The following BCAS3 variants were observed in gnomAD, a reference collection of about 807,000 sequenced individuals.
BCAS3 encodes BCAS4/BCAS3 fusion.
In BCAS3, 53 loss-of-function variants were observed where a neutral mutation model predicts 116.1. The observed-to-expected ratio is 0.46, with a 90% CI of 0.37 to 0.57. The LOEUF (loss-of-function observed/expected upper bound fraction) is 0.57. Among genes scored for constraint, BCAS3 ranks in the 20% least tolerant of loss-of-function variants. The pLI is 0.00. For synonymous variants in BCAS3, 391 were observed against 408.2 expected, an observed-to-expected ratio of 0.96 and a Z score of 0.51; for missense variants, 917 against 1,165.4, an observed-to-expected ratio of 0.79 and a Z score of 3.10.
At chr17:61,058,895 A>G (rs1376584020) in intron 19 of BCAS3, among the ~76,000 whole-genome samples, 1 of 151,978 alleles carries the variant, frequency 6.6e-6, no homozygotes, top group Admixed American at 6.6e-5. Flanking sequence ...AACTTAAAAT[A>G]ATGAACTTAG....
At chr17:60,761,319 C>T (rs775422513) in intron 6 of BCAS3, among the ~76,000 whole-genome samples, 5 of 152,064 alleles carry the variant, frequency 3.3e-5, no homozygotes, top group Non-Finnish European at 5.9e-5. Flanking sequence ...CCCATTAACT[C>T]GTCATTGACA....
At chr17:61,383,140 G>A (rs1293824190) in intron 23 of BCAS3, 1 of 152,518 alleles carries the variant, frequency 6.6e-6, no homozygotes, top group Non-Finnish European at 1.5e-5. Context: ...GGAGGGGGCG[G>A]GGAGAGGGGC....
rs1346762310 is a variant in BCAS3 at position 61,324,810 on chromosome 17, C to A, written c.2426-43517C>A. Among the ~76,000 whole-genome samples the A allele has an allele frequency of 6.7e-6, 1 of 149,724 alleles. No homozygotes were observed. The highest frequency in any genetic ancestry group is 2.5e-5 in the African/African-American group (1 of 40,390). The stretch of plus-strand genomic sequence containing the variant: ...GACCAGCCTGGGCAACCTAGTGAGA[C>A]CTCATCTCTATGAAAAAAAAAAAAA... On this transcript the variant is annotated intron_variant, in intron 22 of 23. Coordinates refer to ENST00000407086, the MANE Select transcript of BCAS3 (RefSeq NM_017679.5). The surrounding 1 kb of genome is among the most constrained non-coding windows in gnomAD (Gnocchi z 4.6).
rs1167139743 is a variant in BCAS3, at chr17:61,219,355, C to T, written c.2425+134791C>T. ...TTCCTAGGGAGTTTTGGGAGTCATGCAGTGATCAGGTTCAGGACTTTTGGG... is the reference window on the plus strand; with the variant it reads ...TTCCTAGGGAGTTTTGGGAGTCATGTAGTGATCAGGTTCAGGACTTTTGGG... On this transcript the variant is annotated intron_variant, in intron 22 of 23. Transcript: ENST00000407086. This position sits in a 1 kb window ranked among gnomAD's most constrained non-coding sequence, Gnocchi z 5.2. 6.6e-6 allele frequency among the ~76,000 whole-genome samples: 1 copy of T among 152,110 alleles called. No homozygotes were observed. Among genetic ancestry groups the T allele is most frequent in the Non-Finnish European group, 1.5e-5 (1 of 68,024 alleles).
intron 7 of BCAS3, chr17:60,810,747 C>A: frequency 1.5e-6 from 1 of 660,540 alleles, no homozygotes; most frequent in South Asian, 1.4e-5. Flanking sequence ...ACACCAATGT[C>A]ACTCAGCTTC....
At chr17:61,209,525 G>T (rs1030971422) in intron 22 of BCAS3, among the ~76,000 whole-genome samples, 4 of 152,166 alleles carry the variant, frequency 2.6e-5, no homozygotes, top group Admixed American at 2.6e-4. Context: ...CAGTGCAGTG[G>T]TTTCTATTTA....
chr17:61,392,170 G>A lies in BCAS3; in HGVS notation c.*45G>A. Reference sequence around the variant, plus strand: ...GACTGGCCAGCCCCCTCCCCTGCTGGAGGAGGGGAGAAGCCCCGCTCTGGT... The same window carrying A: ...GACTGGCCAGCCCCCTCCCCTGCTGAAGGAGGGGAGAAGCCCCGCTCTGGT... On this transcript the variant is annotated 3_prime_UTR_variant, in exon 24 of 24. Coordinates refer to ENST00000407086, the MANE Select transcript of BCAS3 (RefSeq NM_017679.5). This position sits in a 1 kb window ranked among gnomAD's most constrained non-coding sequence, Gnocchi z 6.4. The A allele has an allele frequency of 6.3e-7, 1 of 1,593,922 alleles. No homozygotes were observed. The highest frequency in any genetic ancestry group is 8.6e-7 in the Non-Finnish European group (1 of 1,168,064).
intron 9 of BCAS3, among the ~76,000 whole-genome samples, chr17:60,881,905 G>C (rs1196175528): frequency 6.7e-6 from 1 of 148,716 alleles, no homozygotes; most frequent in Non-Finnish European, 1.5e-5. Context: ...AAACATACGT[G>C]TGCATGTGTC....
intron 7 of BCAS3, among the ~76,000 whole-genome samples, chr17:60,825,770 C>A (rs1297683449): frequency 1.3e-5 from 2 of 151,504 alleles, no homozygotes; most frequent in Non-Finnish European, 2.9e-5. Flanking sequence ...GGTTGCTAAT[C>A]CCATTCATGA....
rs2074267168 is a variant in BCAS3, at chr17:61,100,657, A to T, written c.2425+16093A>T. The stretch of plus-strand genomic sequence containing the variant: ...TTGACACATAATAGGCACTCAGCAA[A>T]TGTTAATGAATTCAATATTTCATCA... On this transcript the variant is annotated intron_variant, in intron 22 of 23. Coordinates refer to ENST00000407086, the MANE Select transcript of BCAS3 (RefSeq NM_017679.5). 2.0e-5 allele frequency among the ~76,000 whole-genome samples: 3 copies of T among 152,254 alleles called. No individual in the cohort carries two copies. In the East Asian group the frequency reaches 5.8e-4, roughly 29 times the overall value.
At chr17:61,142,417 T>C (rs553981635) in intron 22 of BCAS3, among the ~76,000 whole-genome samples, 206 of 152,310 alleles carry the variant, frequency 1.4e-3, no homozygotes, top group Non-Finnish European at 2.6e-3. Context: ...AGTCAGAGAA[T>C]TTTAAGAATG....
rs1186990329 is a variant in BCAS3, at chr17:61,189,941, G to A, written c.2425+105377G>A. On this transcript the variant is annotated intron_variant, in intron 22 of 23. Coordinates refer to ENST00000407086, the MANE Select transcript of BCAS3 (RefSeq NM_017679.5). This position sits in a 1 kb window ranked among gnomAD's most constrained non-coding sequence, Gnocchi z 4.5. ...AGAGTGAGAAAAATCGTGGGTCTAA[G>A]GACATGCCCTGAAAATCAGCAAAAT... Among the ~76,000 whole-genome samples, 1 of 152,154 alleles carries A rather than the reference G, an allele frequency of 6.6e-6. No homozygotes were observed. Among genetic ancestry groups the A allele is most frequent in the Non-Finnish European group, 1.5e-5 (1 of 68,038 alleles).
intron 4 of BCAS3, among the ~76,000 whole-genome samples, chr17:60,693,177 T>C (rs2035099676): frequency 6.6e-6 from 1 of 151,940 alleles, no homozygotes; most frequent in Non-Finnish European, 1.5e-5. Context: ...ACTTGATTTA[T>C]ACCCAGGCTT....
intron 5 of BCAS3, among the ~76,000 whole-genome samples, chr17:60,711,631 C>G (rs1020679482): frequency 6.6e-6 from 1 of 152,002 alleles, no homozygotes; most frequent in Non-Finnish European, 1.5e-5. Flanking sequence ...AAGTTAATTT[C>G]TGTTTATCTT....
In BCAS3 at chr17:61,323,247, C is replaced by G. The variant is rs1262250367; in HGVS notation, c.2426-45080C>G. Among the ~76,000 whole-genome samples the G allele has an allele frequency of 6.6e-6, 1 of 152,242 alleles. No homozygotes were observed. Among genetic ancestry groups the G allele is most frequent in the East Asian group, 1.9e-4 (1 of 5,164 alleles). On this transcript the variant is annotated intron_variant, in intron 22 of 23. Transcript: ENST00000407086. This position sits in a 1 kb window ranked among gnomAD's most constrained non-coding sequence, Gnocchi z 4.6. ...AGACTTTTGTCTAGAGCCCAAACTT[C>G]CCCAGGGGGAAGGACTCATTTATAA...
chr17:61,246,471 G>GAA (rs1007852809), intron 22 of BCAS3, among the ~76,000 whole-genome samples: 2,906 of 33,352 alleles, frequency 0.087, 335 homozygotes, highest in African/African-American at 0.17. Context: ...GACTGTCTCA[G>GAA]AAAAAAAAAA....
intron 14 of BCAS3, among the ~76,000 whole-genome samples, chr17:60,976,794 T>C (rs1174724281): frequency 6.6e-6 from 1 of 152,198 alleles, no homozygotes; most frequent in Non-Finnish European, 1.5e-5. Flanking sequence ...GGCAGAAGAA[T>C]TTTTCTTAGT....
rs369614531 is a variant in BCAS3, at chr17:61,211,557, G to A, written c.2425+126993G>A. Among the ~76,000 whole-genome samples the A allele has an allele frequency of 1.4e-4, 21 of 152,092 alleles. No individual in the cohort carries two copies. The East Asian group carries it at 2.5e-3, about 18-fold the overall frequency. ...ACTGTCTACAACAGCAGAGGTGGCC[G>A]AGAAAGGCAGACAGGCTCTCCTGAG... On this transcript the variant is annotated intron_variant, in intron 22 of 23. Transcript: ENST00000407086. This position sits in a 1 kb window ranked among gnomAD's most constrained non-coding sequence, Gnocchi z 4.4.
intron 4 of BCAS3, among the ~76,000 whole-genome samples, chr17:60,708,970 T>C (rs1293050697): frequency 6.6e-6 from 1 of 152,178 alleles, no homozygotes; most frequent in Non-Finnish European, 1.5e-5. Context: ...TGTTTTTTTT[T>C]CCTTAAATGT....
Sources: gnomAD v4.1 joint callset for allele counts (sites outside exome capture counted in the v4.1 genomes callset) on GRCh38, gnomAD v4.1.1 for gene constraint, Gnocchi (gnomAD v3.1) non-coding constraint, MANE v1.5 for transcripts, NCBI Gene and HGNC (gene_info 2026-07-23, HGNC 2026-07-21) for gene names.